Variants in TMEM132C observed in about 807,000 individuals in gnomAD.
TMEM132C encodes the protein transmembrane protein 132C.
In TMEM132C, 29 loss-of-function variants were observed where a neutral mutation model predicts 61.4. That is an observed-to-expected ratio of 0.47 (90% CI 0.35 to 0.64). The LOEUF is 0.64. Ranked by LOEUF, TMEM132C falls within the 30% of genes least tolerant of loss-of-function variation. TMEM132C has a pLI of 0.00. For missense variants in TMEM132C, 1,408 were observed against 1,476.9 expected, an observed-to-expected ratio of 0.95 and a Z score of 0.76; for synonymous variants, 656 against 633.1, an observed-to-expected ratio of 1.04 and a Z score of -0.54.
At chr12:128,284,805 C>T (rs1443323568) in intron 1 of TMEM132C, among the ~76,000 whole-genome samples, 1 of 151,804 alleles carries the variant, frequency 6.6e-6, no homozygotes, top group Non-Finnish European at 1.5e-5. Flanking sequence ...TAATAATAAC[C>T]CTTTCTAAGG....
At chr12:128,351,222 A>G (rs1203674361) in intron 1 of TMEM132C, among the ~76,000 whole-genome samples, 2 of 152,034 alleles carry the variant, frequency 1.3e-5, no homozygotes, top group Non-Finnish European at 2.9e-5. Flanking sequence ...GAGTGATATG[A>G]CCTGGTTCAT....
intron 2 of TMEM132C, among the ~76,000 whole-genome samples, chr12:128,481,826 G>A (rs982499108): frequency 4.6e-5 from 7 of 152,244 alleles, no homozygotes; most frequent in Admixed American, 1.3e-4. Context: ...CACTCTGCTT[G>A]ACCTGGTGGA....
intron 1 of TMEM132C, among the ~76,000 whole-genome samples, chr12:128,307,271 G>A (rs1683797979): frequency 6.6e-6 from 1 of 152,086 alleles, no homozygotes; most frequent in East Asian, 1.9e-4. Flanking sequence ...CCCAAAGTGG[G>A]GTGTTATCAT....
intron 1 of TMEM132C, among the ~76,000 whole-genome samples, chr12:128,351,978 G>A (rs1303236434): frequency 1.3e-5 from 2 of 152,194 alleles, no homozygotes; most frequent in Non-Finnish European, 2.9e-5. Flanking sequence ...TCAGTGATCT[G>A]TAGGCCCAGG....
At chr12:128,359,558 G>T (rs915817464) in intron 1 of TMEM132C, among the ~76,000 whole-genome samples, 2 of 152,058 alleles carry the variant, frequency 1.3e-5, no homozygotes, top group African/African-American at 2.4e-5. Flanking sequence ...TTGTTATTTG[G>T]TATTTGCTAT....
chr12:128,369,657 C>T (rs1873970944), intron 1 of TMEM132C, among the ~76,000 whole-genome samples: 1 of 152,204 alleles, frequency 6.6e-6, no homozygotes, highest in African/African-American at 2.4e-5. Context: ...AGTTATCACT[C>T]AAAATGATTG....
intron 2 of TMEM132C, among the ~76,000 whole-genome samples, chr12:128,469,293 T>G (rs915165539): frequency 2.4e-4 from 37 of 151,930 alleles, no homozygotes; most frequent in African/African-American, 8.2e-4. Flanking sequence ...ATCATATATA[T>G]AAGCGTGAGT....
At chr12:128,427,420 G>GCA (rs1869229033) in intron 2 of TMEM132C, among the ~76,000 whole-genome samples, 1 of 143,048 alleles carries the variant, frequency 7.0e-6, no homozygotes, top group Admixed American at 7.0e-5. Flanking sequence ...GTGTGTGTGT[G>GCA]TGTGTGTGTA....
At chr12:128,592,215 G>A (rs1302589042) in intron 3 of TMEM132C, among the ~76,000 whole-genome samples, 1 of 152,212 alleles carries the variant, frequency 6.6e-6, no homozygotes. Context: ...CACGGAGGCT[G>A]CGCCTAAGGT....
chr12:128,415,551 A>T lies in TMEM132C; in HGVS notation c.905A>T (p.Lys302Met). 1 of 1,551,314 alleles carries T rather than the reference A, an allele frequency of 6.4e-7. No individual in the cohort carries two copies. Among genetic ancestry groups the T allele is most frequent in the Non-Finnish European group, 8.7e-7 (1 of 1,146,958 alleles). ...ATCTGGCTGCCTTCCAGGCCAGTCA[A>T]GCAGGGAGAGGTGGTCACGGCCTAT... ...VVIWLPSRPV[K>M]QGEVVTAYVT... The change falls in exon 2 of 9, where the codon AAG becomes ATG. Residue 302 changes from lysine (K) to methionine (M), a missense_variant. Lys to Met is a moderately conservative substitution (Grantham distance 95). Coordinates refer to ENST00000435159, the MANE Select transcript of TMEM132C (RefSeq NM_001136103.3). This position sits in a 1 kb window ranked among gnomAD's most constrained non-coding sequence, Gnocchi z 5.8.
chr12:128,343,646 C>T (rs979050517), intron 1 of TMEM132C, among the ~76,000 whole-genome samples: 1 of 151,980 alleles, frequency 6.6e-6, no homozygotes, highest in African/African-American at 2.4e-5. Context: ...TTAAAGTCTA[C>T]GAGCCAATGA....
In TMEM132C at chr12:128,557,352, C is replaced by T. The variant is rs148469316; in HGVS notation, c.1121+13249C>T. Among the ~76,000 whole-genome samples, 200 of 152,336 alleles carry T rather than the reference C, an allele frequency of 1.3e-3. 4 individuals are homozygous for T. In the East Asian group the frequency reaches 0.032, roughly 25 times the overall value. ...AAATGTATGAAGCAAATATATCTCT[C>T]AGCATCTGTCCTGAAATGATTTATT... On this transcript the variant is annotated intron_variant, in intron 3 of 8. Coordinates refer to ENST00000435159, the MANE Select transcript of TMEM132C (RefSeq NM_001136103.3).
At chr12:128,368,136 G>T (rs970464176) in intron 1 of TMEM132C, among the ~76,000 whole-genome samples, 2 of 152,212 alleles carry the variant, frequency 1.3e-5, no homozygotes, top group East Asian at 1.9e-4. Flanking sequence ...ACCAGCCAGG[G>T]TGCCCCACTT....
intron 3 of TMEM132C, among the ~76,000 whole-genome samples, chr12:128,605,022 AATGGATGG>A (rs3044836): frequency 3.1e-4 from 46 of 149,498 alleles, no homozygotes; most frequent in South Asian, 1.5e-3. Context: ...ATAATAGATG[AATGGATGG>A]ATGGATGGAT....
chr12:128,680,240 C>A (rs956672594), intron 5 of TMEM132C, among the ~76,000 whole-genome samples: 6 of 152,146 alleles, frequency 3.9e-5, no homozygotes, highest in African/African-American at 1.4e-4. Flanking sequence ...GCAGGTACTA[C>A]TCTAAGTCTT....
At chr12:128,639,045 GATAATGACA>G (rs1954127734) in intron 4 of TMEM132C, among the ~76,000 whole-genome samples, 1 of 144,752 alleles carries the variant, frequency 6.9e-6, no homozygotes, top group African/African-American at 2.7e-5. Flanking sequence ...TGATGATGGT[GATAATGACA>G]ATGGTGATGA....
At chr12:128,654,587 C>T (rs1042609654) in intron 4 of TMEM132C, among the ~76,000 whole-genome samples, 2 of 152,160 alleles carry the variant, frequency 1.3e-5, no homozygotes, top group African/African-American at 2.4e-5. Context: ...CTAACAACAT[C>T]GTAGATGCCC....
chr12:128,365,479 C>T (rs758772286), intron 1 of TMEM132C, among the ~76,000 whole-genome samples: 2 of 152,148 alleles, frequency 1.3e-5, no homozygotes, highest in Non-Finnish European at 2.9e-5. Context: ...TATTAGCATA[C>T]TTTGACTATT....
chr12:128,306,886 T>C lies in TMEM132C; in HGVS notation c.85+39399T>C, dbSNP rs1237369825. On this transcript the variant is annotated intron_variant, in intron 1 of 8. Transcript: ENST00000435159. ...GGAAAAGCCTGGGCATATGTTAGCA[T>C]GGTTAGCCACTGAGTGAACCCATGT... is the stretch of plus-strand genomic sequence containing the variant. Among the ~76,000 whole-genome samples the C allele has an allele frequency of 2.0e-5, 3 of 152,232 alleles. No individual in the cohort carries two copies. The East Asian group carries it at 5.8e-4, about 29-fold the overall frequency.
Sources: allele counts gnomAD v4.1 joint callset (sites outside exome capture counted in the v4.1 genomes callset), GRCh38; gene constraint gnomAD v4.1.1; non-coding constraint Gnocchi (gnomAD v3.1); transcripts MANE v1.5; gene names NCBI Gene and HGNC (gene_info 2026-07-23, HGNC 2026-07-21).